TMEM204: variants seen among roughly 807,000 people sequenced by gnomAD.
The protein encoded by TMEM204 is transmembrane protein 204.
A neutral mutation model predicts 19.4 loss-of-function variants in TMEM204; 15 were observed. That is an observed-to-expected ratio of 0.77 (90% CI 0.52 to 1.19). The LOEUF (loss-of-function observed/expected upper bound fraction) is 1.19. Ranked by LOEUF, TMEM204 falls within the 50% of genes most tolerant of loss-of-function variation. TMEM204 has a pLI of 0.00. For synonymous variants in TMEM204, 161 were observed against 146.0 expected, an observed-to-expected ratio of 1.10 and a Z score of -0.74; for missense variants, 287 against 321.2, an observed-to-expected ratio of 0.89 and a Z score of 0.81.
chr16:1,552,648 CTTTTTT>C (rs11409894), intron 2 of TMEM204, among the ~76,000 whole-genome samples: 2 of 127,586 alleles, frequency 1.6e-5, no homozygotes, highest in Non-Finnish European at 3.2e-5. Flanking sequence ...AAAGAGAATG[CTTTTTT>C]TTTTTTTTTT....
At position 1,547,324 on chromosome 16, in the gene TMEM204, C is replaced by T. The variant is rs539483877; in HGVS notation, c.436+5248C>T. ...AGCTGACTTGTAGAAGTCCGCTCTT[C>T]GTGTTTTATTCTGAACTGCCTTCAA... On this transcript the variant is annotated intron_variant, in intron 2 of 2. Transcript: ENST00000566264. Among the ~76,000 whole-genome samples the T allele has an allele frequency of 2.0e-4, 30 of 152,254 alleles. 1 individual carries two copies. The South Asian group carries it at 3.1e-3, about 16-fold the overall frequency.
rs2030768686 is a variant in TMEM204, at chr16:1,533,845, T to G, written c.-431T>G. ...GGCCACCCTGCCCGGAGCCTGGCAC[T>G]CACAGCAGGCCGGTGCTAAGGAGTG... is the stretch of plus-strand genomic sequence containing the variant. On this transcript the variant is annotated 5_prime_UTR_variant, in exon 1 of 3. Coordinates refer to ENST00000566264, the MANE Select transcript of TMEM204 (RefSeq NM_024600.6). The surrounding 1 kb of genome is among the most constrained non-coding windows in gnomAD (Gnocchi z 4.7). 2 of 224,250 alleles carry G rather than the reference T, an allele frequency of 8.9e-6. No homozygotes were observed. The highest frequency in any genetic ancestry group is 4.8e-5 in the African/African-American group (2 of 42,028). The allele number at this position is 224,250 out of a possible 1,614,324, so 13.9% of individuals were successfully genotyped here.
intron 2 of TMEM204, among the ~76,000 whole-genome samples, chr16:1,548,966 C>T (rs890428325): frequency 2.0e-5 from 3 of 152,268 alleles, no homozygotes; most frequent in Admixed American, 1.3e-4. Flanking sequence ...GTGAACCTTT[C>T]TTCGTCAGGG....
intron 2 of TMEM204, chr16:1,554,162 G>A (rs377262258): frequency 1.6e-6 from 2 of 1,279,396 alleles, no homozygotes; most frequent in African/African-American, 3.0e-5. Context: ...CCCTAGACAA[G>A]GCCCTGGCCC....
intron 1 of TMEM204, among the ~76,000 whole-genome samples, chr16:1,536,595 C>T (rs2294625): frequency 0.067 from 10,227 of 152,268 alleles, 584 homozygotes; most frequent in Admixed American, 0.19. Context: ...ACAGGCTCAA[C>T]GGGTAACTTT....
At chr16:1,546,552 G>A (rs2032188518) in intron 2 of TMEM204, among the ~76,000 whole-genome samples, 1 of 152,208 alleles carries the variant, frequency 6.6e-6, no homozygotes. Flanking sequence ...AGCCCTGCTG[G>A]GTAACATGCA....
At chr16:1,554,086 AG>A (rs1483962903) in intron 2 of TMEM204, 1 of 1,287,108 alleles carries the variant, frequency 7.8e-7, no homozygotes, top group Non-Finnish European at 1.0e-6. Flanking sequence ...GCCAGGGAGG[AG>A]GGAGGGTCTA....
intron 1 of TMEM204, 138 bp from the exon 2 acceptor site, chr16:1,541,783 G>A: frequency 9.5e-7 from 1 of 1,057,262 alleles, no homozygotes; most frequent in Non-Finnish European, 1.3e-6. Context: ...GCTTCCCGAA[G>A]CCACTGCCCA....
rs867693892 is a variant in TMEM204 at position 1,551,960 on chromosome 16, G to A, written c.437-2822G>A. On this transcript the variant is annotated intron_variant, in intron 2 of 2. Coordinates refer to ENST00000566264, the MANE Select transcript of TMEM204 (RefSeq NM_024600.6). This position sits in a 1 kb window ranked among gnomAD's most constrained non-coding sequence, Gnocchi z 4.0. ...GCCTCTCCCTGGTGACGTGTGGCCC[G>A]CGCTGTCCCCCTGCAATGACGGTAC... Among the ~76,000 whole-genome samples the A allele has an allele frequency of 1.6e-4, 24 of 152,092 alleles. No individual in the cohort carries two copies. Among genetic ancestry groups the A allele is most frequent in the Non-Finnish European group, 4.4e-5 (3 of 68,010 alleles).
chr16:1,541,898 G>T, intron 1 of TMEM204, 23 bp from the exon 2 acceptor site: 1 of 1,568,926 alleles, frequency 6.4e-7, no homozygotes. Context: ...ACTCACCACT[G>T]CCTCTCTGCT....
At chr16:1,538,975 C>T (rs2031347422) in intron 1 of TMEM204, among the ~76,000 whole-genome samples, 1 of 152,178 alleles carries the variant, frequency 6.6e-6, no homozygotes, top group South Asian at 2.1e-4. Flanking sequence ...CGCCCCCTAC[C>T]TCAGGCCTCA....
Position 1,534,549 on chromosome 16 carries a change from G to A in TMEM204, c.274G>A (p.Val92Ile), listed in dbSNP as rs774099296. ...AAGFQESRGT[V>I]KLQFDMMRAC... ...CGGCTTCCAGGAGTCCCGAGGCACCGTCAAACGTAAGTCCAATTGTTTTCC... is the reference window on the plus strand; with the variant it reads ...CGGCTTCCAGGAGTCCCGAGGCACCATCAAACGTAAGTCCAATTGTTTTCC... The change falls in exon 1 of 3, where the codon GTC (valine) becomes ATC (isoleucine). Residue 92 changes from valine to isoleucine, a missense_variant. By Grantham distance (29) the Val-to-Ile change is conservative. Transcript: ENST00000566264. The A allele has an allele frequency of 1.4e-5, 23 of 1,602,892 alleles. No individual in the cohort carries two copies. The highest frequency in any genetic ancestry group is 1.3e-4 in the East Asian group (6 of 44,886).
rs778455948 is a variant in TMEM204 at position 1,554,805 on chromosome 16, G to A, written c.460G>A (p.Val154Met). 5 of 1,614,176 alleles carry A rather than the reference G, an allele frequency of 3.1e-6. No individual in the cohort carries two copies. Among genetic ancestry groups the A allele is most frequent in the East Asian group, 2.2e-5 (1 of 44,878 alleles). Residue 154 changes from valine (V) to methionine (M), a missense_variant, in exon 3 of 3, where the codon GTG becomes ATG. By Grantham distance (21) the Val-to-Met change is conservative (BLOSUM62 1). Coordinates refer to ENST00000566264, the MANE Select transcript of TMEM204 (RefSeq NM_024600.6). ...AGGTTTTGTCCTGGTCATCGGGCTC[G>A]TGACTTTCTACAGAATTGGCCCATA... ...LASFVLVIGL[V>M]TFYRIGPYTN... is the part of the protein sequence containing the mutation.
intron 1 of TMEM204, among the ~76,000 whole-genome samples, chr16:1,539,930 G>A (rs1283380459): frequency 3.9e-5 from 6 of 152,210 alleles, no homozygotes; most frequent in Non-Finnish European, 8.8e-5. Flanking sequence ...GGAGGTCTCA[G>A]GGCTGGGGGC....
At chr16:1,537,852 C>T (rs1193982135) in intron 1 of TMEM204, among the ~76,000 whole-genome samples, 4 of 152,208 alleles carry the variant, frequency 2.6e-5, no homozygotes, top group East Asian at 3.9e-4. Context: ...GGTGGCTCCA[C>T]GTGGCTCCGT....
chr16:1,538,827 C>G (rs1252802903), intron 1 of TMEM204, among the ~76,000 whole-genome samples: 2 of 152,208 alleles, frequency 1.3e-5, no homozygotes, highest in African/African-American at 4.8e-5. Context: ...GTGGTCACTG[C>G]TTGGGGCTGG....
At position 1,555,155 on chromosome 16, in the gene TMEM204, C is replaced by T. The variant is rs575000478; in HGVS notation, c.*129C>T. On this transcript the variant is annotated 3_prime_UTR_variant, in exon 3 of 3. Transcript: ENST00000566264. ...ACGGGATGAGTCTGGGTGACCTCTG[C>T]GCCATGCGTGCGAGACACGTGTGCG... 202 of 1,208,650 alleles carry T rather than the reference C, an allele frequency of 1.7e-4. No homozygotes were observed. The highest frequency in any genetic ancestry group is 2.1e-4 in the Non-Finnish European group (184 of 883,082). 74.9% of individuals were successfully genotyped at this position (1,208,650 alleles called of 1,614,324 possible). A position where few individuals can be genotyped will look rare whatever the true frequency, so the allele number is the denominator to read the frequency against.
rs2032673191 is a variant in TMEM204, at chr16:1,551,899, A to C, written c.437-2883A>C. On this transcript the variant is annotated intron_variant, in intron 2 of 2. Coordinates refer to ENST00000566264, the MANE Select transcript of TMEM204 (RefSeq NM_024600.6). The surrounding 1 kb of genome is among the most constrained non-coding windows in gnomAD (Gnocchi z 4.0). ...CTGTAAATCCGAGCTGTGCACTCAG[A>C]AGCCTCCCGGGTGTGTCCCTGGTGA... Among the ~76,000 whole-genome samples the C allele has an allele frequency of 6.6e-6, 1 of 152,090 alleles. No homozygotes were observed. Among genetic ancestry groups the C allele is most frequent in the Non-Finnish European group, 1.5e-5 (1 of 68,016 alleles).
chr16:1,530,133 C>CTTTTTTTTTTTTTTTTTTTTTTT (rs922819138), upstream of TMEM204, among the ~76,000 whole-genome samples: 43 of 88,586 alleles, frequency 4.9e-4, 3 homozygotes, highest in African/African-American at 1.4e-3. Flanking sequence ...CGACGGGAAT[C>CTTTTTTTTTTTTTTTTTTTTTTT]TTTTTTTTTT....
Sources: gnomAD v4.1 joint callset for allele counts (sites outside exome capture counted in the v4.1 genomes callset) on GRCh38, gnomAD v4.1.1 for gene constraint, Gnocchi (gnomAD v3.1) non-coding constraint, MANE v1.5 for transcripts, NCBI Gene and HGNC (gene_info 2026-07-23, HGNC 2026-07-21) for gene names.